Variants in DCC observed in about 807,000 individuals in gnomAD.
DCC encodes the protein DCC netrin 1 receptor.
A neutral mutation model predicts 172.5 loss-of-function variants in DCC; 58 were observed. The observed-to-expected ratio is 0.34, with a 90% confidence interval of 0.27 to 0.42. The LOEUF (loss-of-function observed/expected upper bound fraction) is 0.42. Among genes scored for constraint, DCC ranks in the 10% least tolerant of loss-of-function variants. The pLI is 1.00. For synonymous variants in DCC, 709 were observed against 644.5 expected, an observed-to-expected ratio of 1.10 and a Z score of -1.52; for missense variants, 1,740 against 1,791.0, an observed-to-expected ratio of 0.97 and a Z score of 0.51.
intron 27 of DCC, 39 bp downstream of exon 27, chr18:53,499,549 T>C: frequency 6.6e-7 from 1 of 1,524,642 alleles, no homozygotes; most frequent in Non-Finnish European, 9.1e-7. Flanking sequence ...ATTCTTATTA[T>C]TATTGGTGCC....
intron 1 of DCC, among the ~76,000 whole-genome samples, chr18:52,587,827 A>C (rs1598935294): frequency 6.6e-6 from 1 of 152,050 alleles, no homozygotes; most frequent in Non-Finnish European, 1.5e-5. Context: ...CTGTCAACTG[A>C]TCATGGGGAA....
At chr18:53,225,348 T>G (rs2056009929) in intron 12 of DCC, among the ~76,000 whole-genome samples, 2 of 152,156 alleles carry the variant, frequency 1.3e-5, no homozygotes, top group Admixed American at 6.6e-5. Flanking sequence ...GTTTCATTTT[T>G]GAACATGAGA....
chr18:53,074,229 T>C (rs913286572), intron 7 of DCC, among the ~76,000 whole-genome samples: 1 of 152,176 alleles, frequency 6.6e-6, no homozygotes, highest in Non-Finnish European at 1.5e-5. Flanking sequence ...TGGAGTTCTG[T>C]AACTAATCTA....
intron 13 of DCC, among the ~76,000 whole-genome samples, chr18:53,313,927 C>T (rs185642592): frequency 3.9e-5 from 6 of 152,278 alleles, no homozygotes; most frequent in Non-Finnish European, 7.4e-5. Flanking sequence ...ATGTATTCTG[C>T]GCCAAAATCG....
At chr18:53,222,510 G>A (rs2055956795) in intron 12 of DCC, among the ~76,000 whole-genome samples, 1 of 149,958 alleles carries the variant, frequency 6.7e-6, no homozygotes, top group African/African-American at 2.5e-5. Flanking sequence ...TCAGCCTCCT[G>A]AGTAGCTGGG....
At chr18:53,022,444 C>T (rs1175954556) in intron 5 of DCC, among the ~76,000 whole-genome samples, 1 of 151,776 alleles carries the variant, frequency 6.6e-6, no homozygotes, top group Non-Finnish European at 1.5e-5. Flanking sequence ...GTAGTTAAAA[C>T]AATGGCAGGA....
intron 1 of DCC, among the ~76,000 whole-genome samples, chr18:52,624,577 C>T (rs1005694500): frequency 6.6e-6 from 1 of 152,266 alleles, no homozygotes; most frequent in Non-Finnish European, 1.5e-5. Context: ...ATTACAATCA[C>T]ATTTGTTGGT....
intron 12 of DCC, among the ~76,000 whole-genome samples, chr18:53,273,426 A>T (rs909569491): frequency 3.3e-5 from 5 of 152,126 alleles, no homozygotes; most frequent in Admixed American, 2.6e-4. Flanking sequence ...AGCCAAAGGA[A>T]ATTTGATTGG....
intron 7 of DCC, among the ~76,000 whole-genome samples, chr18:53,092,722 C>A (rs1363326165): frequency 6.6e-6 from 1 of 152,172 alleles, no homozygotes; most frequent in African/African-American, 2.4e-5. Flanking sequence ...TGCTATTTTG[C>A]TTATAGTCAT....
At chr18:52,896,254 T>C (rs1346158800) in intron 2 of DCC, among the ~76,000 whole-genome samples, 2 of 152,222 alleles carry the variant, frequency 1.3e-5, no homozygotes, top group Admixed American at 1.3e-4. Context: ...CTAGTGAATA[T>C]TTGTCCACAT....
intron 1 of DCC, among the ~76,000 whole-genome samples, chr18:52,597,405 G>A (rs2033930594): frequency 6.6e-6 from 1 of 152,166 alleles, no homozygotes; most frequent in Admixed American, 6.5e-5. Flanking sequence ...TATTGTTGCA[G>A]CCCTGTCCTG....
At chr18:52,889,142 T>C (rs1263053081) in intron 2 of DCC, among the ~76,000 whole-genome samples, 1 of 151,594 alleles carries the variant, frequency 6.6e-6, no homozygotes, top group African/African-American at 2.4e-5. Context: ...ATATATAAGA[T>C]ATGGAACTAG....
chr18:52,704,008 G>T (rs372837723), intron 1 of DCC, among the ~76,000 whole-genome samples: 6 of 151,838 alleles, frequency 4.0e-5, no homozygotes, highest in African/African-American at 1.2e-4. Flanking sequence ...TCTTATGCTG[G>T]GTCTCAGGTT....
At chr18:52,481,627 G>T (rs2029964779) in intron 1 of DCC, among the ~76,000 whole-genome samples, 1 of 151,824 alleles carries the variant, frequency 6.6e-6, no homozygotes. Flanking sequence ...AGTTCTACAG[G>T]TTTGTTAAAC....
intron 7 of DCC, among the ~76,000 whole-genome samples, chr18:53,134,410 C>A: frequency 6.6e-6 from 1 of 152,122 alleles, no homozygotes; most frequent in East Asian, 1.9e-4. Flanking sequence ...CTGAACTACA[C>A]TCTCAATCTG....
At chr18:52,843,219 T>G (rs2038834527) in intron 2 of DCC, among the ~76,000 whole-genome samples, 1 of 152,212 alleles carries the variant, frequency 6.6e-6, no homozygotes, top group South Asian at 2.1e-4. Context: ...TAGACTGTGT[T>G]TATGCAAAGG....
intron 1 of DCC, among the ~76,000 whole-genome samples, chr18:52,526,405 G>C (rs1353682870): frequency 6.6e-6 from 1 of 152,050 alleles, no homozygotes; most frequent in African/African-American, 2.4e-5. Context: ...TCAAAGGCAA[G>C]GTCTTCAGAC....
intron 5 of DCC, among the ~76,000 whole-genome samples, chr18:53,041,425 G>A (rs1162115245): frequency 6.6e-6 from 1 of 152,040 alleles, no homozygotes; most frequent in East Asian, 1.9e-4. Context: ...TAGCCTTGTA[G>A]TATAGTTTGA....
intron 21 of DCC, among the ~76,000 whole-genome samples, chr18:53,431,773 C>T (rs1007263283): frequency 3.3e-5 from 5 of 152,158 alleles, no homozygotes; most frequent in East Asian, 1.9e-4. Flanking sequence ...CATGAGCTAC[C>T]GCACCTGGCC....
Sources: gnomAD v4.1 joint callset for allele counts (sites outside exome capture counted in the v4.1 genomes callset) on GRCh38, gnomAD v4.1.1 for gene constraint, MANE v1.5 for transcripts, NCBI Gene and HGNC (gene_info 2026-07-23, HGNC 2026-07-21) for gene names.